Variants in RALGAPA2 observed in about 807,000 individuals in gnomAD.
RALGAPA2 encodes Ral GTPase activating protein catalytic subunit alpha 2.
In RALGAPA2, 139 loss-of-function variants were observed where a neutral mutation model predicts 230.4. The observed-to-expected ratio is 0.60, with a 90% CI of 0.53 to 0.69. RALGAPA2 has a LOEUF of 0.69. Ranked by LOEUF, RALGAPA2 falls within the 30% of genes least tolerant of loss-of-function variation. The probability of loss-of-function intolerance (pLI) is 0.00; values close to 1 mark genes in which losing one functional copy is unlikely to be tolerated. For missense variants in RALGAPA2, 2,163 were observed against 2,276.0 expected (o/e 0.95, Z 1.01); for synonymous variants, 847 against 837.8 (o/e 1.01, Z -0.19).
rs148344457 is a variant in RALGAPA2 at position 20,498,651 on chromosome 20, C to A, written c.5209-3376G>T. ...TCCCCATTGTTCAGCTGACAGTGTG[C>A]CCATCCTAAAATCTAAGTTTTATTT... On this transcript the variant is annotated intron_variant, in intron 35 of 39. Transcript: ENST00000202677. 2.4e-3 allele frequency among the ~76,000 whole-genome samples: 360 copies of A among 152,268 alleles called. 1 individual carries two copies. Among genetic ancestry groups the A allele is most frequent in the African/African-American group, 8.1e-3 (337 of 41,540 alleles).
chr20:20,620,562 A>T lies in RALGAPA2; in HGVS notation c.1302T>A (p.Ile434=). The T allele has an allele frequency of 6.2e-7, 1 of 1,613,852 alleles. No homozygotes were observed. Among genetic ancestry groups the T allele is most frequent in the Non-Finnish European group, 8.5e-7 (1 of 1,179,788 alleles). The change falls in exon 11 of 40, where the codon ATT becomes ATA. Residue 434 remains isoleucine (I), a synonymous_variant. Coordinates refer to ENST00000202677, the MANE Select transcript of RALGAPA2 (RefSeq NM_020343.4). ...RKVVQVYRKW[I]LQDKPVFMEE... ...CCATGAACACAGGTTTGTCCTGGAGAATCCACTTTCTGTACACTTGAACTA... is the reference window on the plus strand; with the variant it reads ...CCATGAACACAGGTTTGTCCTGGAGTATCCACTTTCTGTACACTTGAACTA...
chr20:20,433,213 A>G (rs985141462), intron 37 of RALGAPA2, among the ~76,000 whole-genome samples: 1 of 152,260 alleles, frequency 6.6e-6, no homozygotes, highest in Non-Finnish European at 1.5e-5. Flanking sequence ...TGAAGAAAGT[A>G]TTGTTACTCT....
At chr20:20,482,117 A>G (rs1284749904) in intron 36 of RALGAPA2, among the ~76,000 whole-genome samples, 1 of 152,248 alleles carries the variant, frequency 6.6e-6, no homozygotes, top group Non-Finnish European at 1.5e-5. Context: ...ATGAATACTC[A>G]GAAGACTCTA....
At chr20:20,543,131 G>A (rs1318544759) in intron 24 of RALGAPA2, among the ~76,000 whole-genome samples, 4 of 151,800 alleles carry the variant, frequency 2.6e-5, no homozygotes, top group African/African-American at 7.3e-5. Flanking sequence ...TGCAATCTCC[G>A]CCTCCCAGGT....
chr20:20,548,008 C>T (rs1035660655), intron 23 of RALGAPA2, among the ~76,000 whole-genome samples: 1 of 152,058 alleles, frequency 6.6e-6, no homozygotes, highest in Middle Eastern at 3.2e-3. Context: ...CTTATAGGAC[C>T]ACCATCATAT....
chr20:20,683,189 A>G (rs946667344), intron 1 of RALGAPA2, among the ~76,000 whole-genome samples: 1 of 152,132 alleles, frequency 6.6e-6, no homozygotes, highest in East Asian at 1.9e-4. Context: ...CCAGCCCTGG[A>G]CTGCTTCTGC....
intron 38 of RALGAPA2, among the ~76,000 whole-genome samples, chr20:20,405,438 T>A (rs956570004): frequency 6.6e-6 from 1 of 152,178 alleles, no homozygotes; most frequent in Non-Finnish European, 1.5e-5. Context: ...TCCTGCTCAG[T>A]GGCAGCCTCC....
chr20:20,494,938 CT>C (rs1391298366), intron 36 of RALGAPA2, among the ~76,000 whole-genome samples, 178 bp downstream of exon 36: 1 of 152,180 alleles, frequency 6.6e-6, no homozygotes, highest in Non-Finnish European at 1.5e-5. Flanking sequence ...ATGAAAAATT[CT>C]TTGAAAATCC....
At chr20:20,458,866 A>AGACC (rs1407942287) in intron 37 of RALGAPA2, among the ~76,000 whole-genome samples, 7 of 130,784 alleles carry the variant, frequency 5.4e-5, no homozygotes, top group South Asian at 2.5e-4. Flanking sequence ...CTATATATAT[A>AGACC]TATATATATA....
chr20:20,428,287 C>T (rs528340856), intron 37 of RALGAPA2, among the ~76,000 whole-genome samples: 5 of 152,296 alleles, frequency 3.3e-5, no homozygotes, highest in African/African-American at 9.6e-5. Context: ...GGACTTTCCA[C>T]ATTTAAGCCT....
At chr20:20,633,129 T>C (rs370945607) in intron 9 of RALGAPA2, among the ~76,000 whole-genome samples, 15 of 151,506 alleles carry the variant, frequency 9.9e-5, no homozygotes, top group African/African-American at 3.4e-4. Flanking sequence ...CTCTTTCTTT[T>C]CTTTCTTTCT....
At chr20:20,581,870 G>A (rs1263372041) in intron 20 of RALGAPA2, among the ~76,000 whole-genome samples, 2 of 151,684 alleles carry the variant, frequency 1.3e-5, no homozygotes, top group African/African-American at 2.4e-5. Context: ...TAGCCTTTAT[G>A]TTAATCATTT....
intron 37 of RALGAPA2, among the ~76,000 whole-genome samples, chr20:20,420,504 A>G (rs1312319682): frequency 6.6e-6 from 1 of 152,230 alleles, no homozygotes; most frequent in Non-Finnish European, 1.5e-5. Context: ...TGCAGGCTTG[A>G]AATGACCAGA....
intron 3 of RALGAPA2, among the ~76,000 whole-genome samples, chr20:20,669,019 T>C (rs1052604316): frequency 2.0e-5 from 3 of 152,136 alleles, no homozygotes; most frequent in African/African-American, 7.2e-5. Context: ...GGGTTTAATA[T>C]AGTGGGGTAA....
intron 4 of RALGAPA2, among the ~76,000 whole-genome samples, chr20:20,650,011 T>C (rs2067343453): frequency 6.6e-6 from 1 of 152,174 alleles, no homozygotes; most frequent in South Asian, 2.1e-4. Context: ...AATTGACAAA[T>C]AGTTGAGTTG....
chr20:20,482,475 G>A (rs1055471315), intron 36 of RALGAPA2, among the ~76,000 whole-genome samples: 15 of 152,070 alleles, frequency 9.9e-5, no homozygotes, highest in African/African-American at 3.6e-4. Flanking sequence ...TGGGAAGAGC[G>A]GAGCACTCCA....
chr20:20,678,801 C>T (rs1451658029), intron 2 of RALGAPA2, among the ~76,000 whole-genome samples: 1 of 152,164 alleles, frequency 6.6e-6, no homozygotes, highest in East Asian at 1.9e-4. Context: ...CCATGTCCAT[C>T]TGTTTGGCTT....
chr20:20,641,973 A>G (rs1190504809), intron 5 of RALGAPA2, among the ~76,000 whole-genome samples: 1 of 151,638 alleles, frequency 6.6e-6, no homozygotes, highest in Non-Finnish European at 1.5e-5. Context: ...GGGTAAATTC[A>G]CAGTGTACTT....
chr20:20,681,937 A>G (rs770175667), intron 1 of RALGAPA2, among the ~76,000 whole-genome samples: 24 of 152,332 alleles, frequency 1.6e-4, no homozygotes, highest in Non-Finnish European at 2.6e-4. Context: ...AGGATTACTC[A>G]AGAAAAAAAT....
Sources: gnomAD v4.1 joint callset for allele counts (sites outside exome capture counted in the v4.1 genomes callset) on GRCh38, gnomAD v4.1.1 for gene constraint, MANE v1.5 for transcripts, NCBI Gene and HGNC (gene_info 2026-07-23, HGNC 2026-07-21) for gene names.